The following HYCC2 variants were observed in gnomAD, a reference collection of about 807,000 sequenced individuals.
HYCC2 encodes the protein hyccin PI4KA lipid kinase complex subunit 2.
the HYCC2 span, among the ~76,000 whole-genome samples, chr2:201,057,742 G>C: frequency 6.6e-6 from 1 of 152,026 alleles, no homozygotes; most frequent in Non-Finnish European, 1.5e-5. Flanking sequence ...AAAAAACTTA[G>C]GCCTGGTTTA....
At chr2:200,992,190 T>C in the HYCC2 span, 4 of 820,878 alleles carry the variant, frequency 4.9e-6, no homozygotes, top group Non-Finnish European at 8.1e-6. Flanking sequence ...ATACAAATTT[T>C]CCCCTAATTA....
At chr2:201,037,994 C>A in the HYCC2 span, among the ~76,000 whole-genome samples, 1 of 152,200 alleles carries the variant, frequency 6.6e-6, no homozygotes, top group Admixed American at 6.5e-5. Context: ...ATCTTCCCAT[C>A]TGACAAAGGG....
the HYCC2 span, among the ~76,000 whole-genome samples, chr2:200,989,567 C>T: frequency 1.3e-5 from 2 of 152,132 alleles, no homozygotes; most frequent in Admixed American, 1.3e-4. Context: ...AATCCCACCA[C>T]TTTGAGAGGC....
chr2:201,038,732 C>T, the HYCC2 span, among the ~76,000 whole-genome samples: 15 of 151,490 alleles, frequency 9.9e-5, no homozygotes, highest in East Asian at 1.6e-3. Context: ...CATCACACAC[C>T]GGGGCCTGTT....
At chr2:201,063,443 C>A in the HYCC2 span, 2 of 1,589,882 alleles carry the variant, frequency 1.3e-6, no homozygotes, top group Non-Finnish European at 1.7e-6. Context: ...CACTGAAGAA[C>A]ATCACCTAAG....
chr2:200,992,792 G>T, the HYCC2 span: 1 of 805,494 alleles, frequency 1.2e-6, no homozygotes, highest in Non-Finnish European at 2.0e-6. Context: ...TGGAACAAAA[G>T]ATTCAGTATT....
At chr2:200,981,103 GA>G in the HYCC2 span, 1 of 780,074 alleles carries the variant, frequency 1.3e-6, no homozygotes. This position sits in a 1 kb window ranked among gnomAD's most constrained non-coding sequence, Gnocchi z 4.5. Context: ...GAGGGATAAA[GA>G]AAACCTTATT....
chr2:201,026,958 T>A, the HYCC2 span, among the ~76,000 whole-genome samples: 2 of 151,922 alleles, frequency 1.3e-5, no homozygotes, highest in African/African-American at 4.8e-5. Context: ...AAGAAATAAC[T>A]AAGATCAGAG....
At chr2:201,015,882 T>C in the HYCC2 span, among the ~76,000 whole-genome samples, 1 of 152,174 alleles carries the variant, frequency 6.6e-6, no homozygotes, top group Non-Finnish European at 1.5e-5. Context: ...GCCAAAACTA[T>C]ACCTCTTCAT....
At chr2:201,014,205 A>G in the HYCC2 span, among the ~76,000 whole-genome samples, 78 of 152,340 alleles carry the variant, frequency 5.1e-4, no homozygotes, top group Admixed American at 2.5e-3. Flanking sequence ...TTATTACACT[A>G]AACACATTAA....
the HYCC2 span, chr2:201,009,029 G>A: frequency 4.8e-5 from 78 of 1,613,978 alleles, no homozygotes; most frequent in African/African-American, 9.6e-4. Flanking sequence ...AAACAACTCT[G>A]ATGAGATCAT....
chr2:201,022,828 T>G, the HYCC2 span: 2 of 1,559,506 alleles, frequency 1.3e-6, no homozygotes, highest in Non-Finnish European at 1.8e-6. Context: ...TGAGGTCTCC[T>G]ACCTCATTAT....
the HYCC2 span, among the ~76,000 whole-genome samples, chr2:201,027,645 C>T: frequency 8.5e-5 from 13 of 152,194 alleles, no homozygotes; most frequent in African/African-American, 2.9e-4. Context: ...CCCTGGGATG[C>T]AAGGCTGGTT....
the HYCC2 span, among the ~76,000 whole-genome samples, chr2:201,033,196 T>TGTGTGC: frequency 9.4e-6 from 1 of 106,210 alleles, no homozygotes; most frequent in East Asian, 2.2e-4. Flanking sequence ...TGTGTGTGTG[T>TGTGTGC]GAGAGAGAGA....
the HYCC2 span, among the ~76,000 whole-genome samples, chr2:200,985,574 T>C: frequency 1.3e-5 from 2 of 152,190 alleles, no homozygotes; most frequent in Non-Finnish European, 2.9e-5. Context: ...GGTGGGAGGA[T>C]CACTTAAGAC....
the HYCC2 span, among the ~76,000 whole-genome samples, chr2:201,044,837 C>T: frequency 6.6e-6 from 1 of 152,058 alleles, no homozygotes; most frequent in East Asian, 1.9e-4. Context: ...CTGTGAATAC[C>T]AATTACATGC....
the HYCC2 span, among the ~76,000 whole-genome samples, chr2:201,069,543 AACACACACACACACACACACACACACAC>A: frequency 2.8e-5 from 4 of 143,742 alleles, no homozygotes; most frequent in African/African-American, 5.2e-5. Flanking sequence ...CATAAGAAGA[AACACACACACACACACACACACACACAC>A]ACACACACAC....
chr2:201,015,542 C>G, the HYCC2 span, among the ~76,000 whole-genome samples: 5 of 152,212 alleles, frequency 3.3e-5, no homozygotes, highest in African/African-American at 1.2e-4. Context: ...TGTATATAGC[C>G]TTTAACATAT....
At chr2:201,009,216 C>G in the HYCC2 span, 1 of 507,924 alleles carries the variant, frequency 2.0e-6, no homozygotes, top group African/African-American at 1.9e-5. Flanking sequence ...TCATTCTTCA[C>G]GGAAAAGGTT....
Sources: gnomAD v4.1 joint callset for allele counts (sites outside exome capture counted in the v4.1 genomes callset) on GRCh38, gnomAD v4.1.1 for gene constraint, Gnocchi (gnomAD v3.1) non-coding constraint, MANE v1.5 for transcripts, NCBI Gene and HGNC (gene_info 2026-07-23, HGNC 2026-07-21) for gene names.